TBC1D16: variants seen among roughly 807,000 people sequenced by gnomAD.
TBC1D16 encodes the protein CTD-2529O21.1.
In TBC1D16, 58 loss-of-function variants were observed where a neutral mutation model predicts 74.7. The observed-to-expected ratio is 0.78, with a 90% CI of 0.63 to 0.97. The LOEUF (loss-of-function observed/expected upper bound fraction) is 0.97. Among genes scored for constraint, TBC1D16 ranks in the 50% least tolerant of loss-of-function variants. The pLI is 0.00. For missense variants in TBC1D16, 1,014 were observed against 1,079.5 expected, an observed-to-expected ratio of 0.94 and a Z score of 0.85; for synonymous variants, 493 against 474.7, an observed-to-expected ratio of 1.04 and a Z score of -0.50.
At chr17:79,991,643 G>A (rs980964622) in intron 3 of TBC1D16, among the ~76,000 whole-genome samples, 2 of 151,292 alleles carry the variant, frequency 1.3e-5, no homozygotes, top group Non-Finnish European at 2.9e-5. Context: ...GGAGGCAAGA[G>A]GGAGGTCAGG....
chr17:79,971,378 C>T lies in TBC1D16; in HGVS notation c.780-18560G>A, dbSNP rs2034096481. Among the ~76,000 whole-genome samples, 2 of 152,238 alleles carry T rather than the reference C, an allele frequency of 1.3e-5. No homozygotes were observed. The highest frequency in any genetic ancestry group is 1.9e-4 in the East Asian group (1 of 5,178). On this transcript the variant is annotated intron_variant, in intron 3 of 11. Coordinates refer to ENST00000310924, the MANE Select transcript of TBC1D16 (RefSeq NM_019020.4). This position sits in a 1 kb window ranked among gnomAD's most constrained non-coding sequence, Gnocchi z 4.6. Reference sequence around the variant, plus strand: ...CATTTGCAAGTGGTAAATAAATTCACGTTGTGGTTAAAAATTTTAAAAAGA... The same window carrying T: ...CATTTGCAAGTGGTAAATAAATTCATGTTGTGGTTAAAAATTTTAAAAAGA...
At position 79,985,106 on chromosome 17, in the gene TBC1D16, C is replaced by G. The variant is rs1461522360; in HGVS notation, c.779+25054G>C. ...TCGGGCCGCGCCCCCTCTGAAGGCTCCAGGCAAGAGTCTTTCCTGCCTCTT... is the reference window on the plus strand; with the variant it reads ...TCGGGCCGCGCCCCCTCTGAAGGCTGCAGGCAAGAGTCTTTCCTGCCTCTT... On this transcript the variant is annotated intron_variant, in intron 3 of 11. Transcript: ENST00000310924. This position sits in a 1 kb window ranked among gnomAD's most constrained non-coding sequence, Gnocchi z 4.9. Among the ~76,000 whole-genome samples the G allele has an allele frequency of 1.3e-5, 2 of 152,164 alleles. No individual in the cohort carries two copies. The highest frequency in any genetic ancestry group is 2.9e-5 in the Non-Finnish European group (2 of 68,026).
At chr17:80,021,123 A>C (rs935566461) in intron 1 of TBC1D16, among the ~76,000 whole-genome samples, 4 of 149,896 alleles carry the variant, frequency 2.7e-5, no homozygotes, top group Admixed American at 2.6e-4. Flanking sequence ...ATGGTGGTGC[A>C]TGCCTGTAAT....
rs2034163766 is a variant in TBC1D16 at position 79,972,695 on chromosome 17, G to A, written c.780-19877C>T. On this transcript the variant is annotated intron_variant, in intron 3 of 11. Transcript: ENST00000310924. The stretch of plus-strand genomic sequence containing the variant: ...GTTGTTTAACGGGAACAGAGTTTCG[G>A]TTGGGAAGATGAAAAAGTTCTGGAG... Among the ~76,000 whole-genome samples, 5 of 152,170 alleles carry A rather than the reference G, an allele frequency of 3.3e-5. No individual in the cohort carries two copies. In the South Asian group the frequency reaches 1.0e-3, roughly 32 times the overall value.
chr17:79,969,921 A>T (rs772306246), intron 3 of TBC1D16, among the ~76,000 whole-genome samples: 15 of 152,184 alleles, frequency 9.9e-5, no homozygotes, highest in Admixed American at 3.9e-4. Context: ...CAGCCTAGGC[A>T]ACAGAACGAG....
At position 79,987,107 on chromosome 17, in the gene TBC1D16, A is replaced by C. The variant is rs1292679117; in HGVS notation, c.779+23053T>G. ...GCCCAGTGTCGCTGCCCAAGGCAGAACTGGCTGCCCACCAGGGGCAGGAGA... is the reference window on the plus strand; with the variant it reads ...GCCCAGTGTCGCTGCCCAAGGCAGACCTGGCTGCCCACCAGGGGCAGGAGA... On this transcript the variant is annotated intron_variant, in intron 3 of 11. Coordinates refer to ENST00000310924, the MANE Select transcript of TBC1D16 (RefSeq NM_019020.4). This position sits in a 1 kb window ranked among gnomAD's most constrained non-coding sequence, Gnocchi z 5.2. 6.6e-6 allele frequency among the ~76,000 whole-genome samples: 1 copy of C among 152,132 alleles called. No individual in the cohort carries two copies. The highest frequency in any genetic ancestry group is 1.5e-5 in the Non-Finnish European group (1 of 68,026).
chr17:79,938,676 T>G lies in TBC1D16; in HGVS notation c.*2183A>C, dbSNP rs1478513176. 1.3e-5 allele frequency: 2 copies of G among 152,290 alleles called. No individual in the cohort carries two copies. The highest frequency in any genetic ancestry group is 4.8e-5 in the African/African-American group (2 of 41,456). The allele number at this position is 152,290 out of a possible 1,614,324, so 9.4% of individuals were successfully genotyped here. A position where few individuals can be genotyped will look rare whatever the true frequency, so the allele number is the denominator to read the frequency against. On this transcript the variant is annotated 3_prime_UTR_variant, in exon 12 of 12. Coordinates refer to ENST00000310924, the MANE Select transcript of TBC1D16 (RefSeq NM_019020.4). ...TGTTTAGCCCTCCAAATTCTCAGCC[T>G]ACTGCCACCCGACTGTGCAGAGCGG... is the stretch of plus-strand genomic sequence containing the variant.
At chr17:79,966,689 T>C (rs1173010924) in intron 3 of TBC1D16, among the ~76,000 whole-genome samples, 1 of 152,244 alleles carries the variant, frequency 6.6e-6, no homozygotes, top group African/African-American at 2.4e-5. Context: ...CAGTCTTTTT[T>C]TTCATGTGTT....
rs574388213 is a variant in TBC1D16, at chr17:79,942,363, A to T, written c.1909-157T>A. On this transcript the variant is annotated intron_variant, in intron 10 of 11. Coordinates refer to ENST00000310924, the MANE Select transcript of TBC1D16 (RefSeq NM_019020.4). ...GGCCGTGTGGCCCTGGGCAAGCTGC[A>T]CCGCCTCTTCGGCCCTAAGTTTCCC... 8.5e-5 allele frequency among the ~76,000 whole-genome samples: 13 copies of T among 152,218 alleles called. No homozygotes were observed. In the South Asian group the frequency reaches 2.7e-3, roughly 32 times the overall value.
At position 80,009,079 on chromosome 17, in the gene TBC1D16, C is replaced by T. The variant is rs1262092057; in HGVS notation, c.779+1081G>A. 3.3e-5 allele frequency among the ~76,000 whole-genome samples: 5 copies of T among 152,226 alleles called. No homozygotes were observed. Among genetic ancestry groups the T allele is most frequent in the South Asian group, 4.1e-4 (2 of 4,834 alleles). On this transcript the variant is annotated intron_variant, in intron 3 of 11. Coordinates refer to ENST00000310924, the MANE Select transcript of TBC1D16 (RefSeq NM_019020.4). This position sits in a 1 kb window ranked among gnomAD's most constrained non-coding sequence, Gnocchi z 5.4. ...GGGGATAATAGGAGGGCCCACCTCA[C>T]GGGGCGTGGGGCTGTGGAAAGCACA...
At chr17:79,953,635 A>G (rs1168473326) in intron 3 of TBC1D16, among the ~76,000 whole-genome samples, 1 of 152,244 alleles carries the variant, frequency 6.6e-6, no homozygotes, top group Non-Finnish European at 1.5e-5. Flanking sequence ...TCTGCAGTTC[A>G]GCAGTACAAC....
In TBC1D16 at chr17:79,949,791, G is replaced by T; in HGVS notation, c.1332C>A (p.His444Gln). The T allele has an allele frequency of 6.2e-7, 1 of 1,613,776 alleles. No individual in the cohort carries two copies. The highest frequency in any genetic ancestry group is 8.5e-7 in the Non-Finnish European group (1 of 1,179,966). Residue 444 changes from histidine to glutamine, a missense_variant, in exon 7 of 12, where the codon CAC becomes CAA. Coordinates refer to ENST00000310924, the MANE Select transcript of TBC1D16 (RefSeq NM_019020.4). ...VWPFLLRYYS[H>Q]ESTSEEREAL... ...CCTCCCGCTCCTCCGACGTGGACTC[G>T]TGGCTGTAATAGCGCAGCAGGAAGG...
At chr17:80,023,691 G>T (rs1006476430) in intron 1 of TBC1D16, among the ~76,000 whole-genome samples, 4 of 149,406 alleles carry the variant, frequency 2.7e-5, no homozygotes, top group Admixed American at 2.0e-4. Context: ...TGGCTGGGGT[G>T]GCCCTGCTCC....
rs1235283487 is a variant in TBC1D16 at position 79,956,655 on chromosome 17, G to A, written c.780-3837C>T. The stretch of plus-strand genomic sequence containing the variant: ...CCAGCTCTCAGAAAAAGCTTGAAGG[G>A]GAGGAAGAAACCTTCAAACATATTG... On this transcript the variant is annotated intron_variant, in intron 3 of 11. Transcript: ENST00000310924. The surrounding 1 kb of genome is among the most constrained non-coding windows in gnomAD (Gnocchi z 4.0). Among the ~76,000 whole-genome samples, 1 of 152,148 alleles carries A rather than the reference G, an allele frequency of 6.6e-6. No homozygotes were observed. The highest frequency in any genetic ancestry group is 1.5e-5 in the Non-Finnish European group (1 of 68,014).
At position 79,940,490 on chromosome 17, in the gene TBC1D16, G is replaced by C. The variant is rs536420233; in HGVS notation, c.*369C>G. On this transcript the variant is annotated 3_prime_UTR_variant, in exon 12 of 12. Coordinates refer to ENST00000310924, the MANE Select transcript of TBC1D16 (RefSeq NM_019020.4). This position sits in a 1 kb window ranked among gnomAD's most constrained non-coding sequence, Gnocchi z 5.4. ...AGTGAGGCCTTCCTCTCCTGTCTCTGCTTTCCTCATTGCCTGGCGACGCTG... is the reference window on the plus strand; with the variant it reads ...AGTGAGGCCTTCCTCTCCTGTCTCTCCTTTCCTCATTGCCTGGCGACGCTG... 5.5e-6 allele frequency: 1 copy of C among 181,900 alleles called. No homozygotes were observed. The highest frequency in any genetic ancestry group is 1.4e-4 in the East Asian group (1 of 6,970). The allele number at this position is 181,900 out of a possible 1,614,324, so 11.3% of individuals were successfully genotyped here.
At position 79,950,368 on chromosome 17, in the gene TBC1D16, G is replaced by A; in HGVS notation, c.1257+43C>T. On this transcript the variant is annotated intron_variant, in intron 6 of 11. Coordinates refer to ENST00000310924, the MANE Select transcript of TBC1D16 (RefSeq NM_019020.4). The surrounding 1 kb of genome is among the most constrained non-coding windows in gnomAD (Gnocchi z 4.6). ...TCCCTCTCGCTCGTTCCCGGTTCCCGGCCGGCTCTCCGCGGGGCCAGCTGG... is the reference window on the plus strand; with the variant it reads ...TCCCTCTCGCTCGTTCCCGGTTCCCAGCCGGCTCTCCGCGGGGCCAGCTGG... 1.3e-6 allele frequency: 2 copies of A among 1,544,810 alleles called. No homozygotes were observed. Among genetic ancestry groups the A allele is most frequent in the Non-Finnish European group, 1.7e-6 (2 of 1,147,906 alleles).
In TBC1D16 at chr17:80,013,543, G is replaced by A; in HGVS notation, c.5C>T (p.Ser2Phe). 6.6e-7 allele frequency: 1 copy of A among 1,509,546 alleles called. No homozygotes were observed. The highest frequency in any genetic ancestry group is 8.9e-7 in the Non-Finnish European group (1 of 1,127,768). 93.5% of individuals were successfully genotyped at this position (1,509,546 alleles called of 1,614,324 possible). A position where few individuals can be genotyped will look rare whatever the true frequency, so the allele number is the denominator to read the frequency against. MSLGRLLRRASS... is the reference protein window; with the variant it reads MFLGRLLRRASS... ...GGCCCTGCGAAGGAGGCGGCCCAGA[G>A]ACATTGCCGGGCAAGTGTTTCCATC... The change falls in exon 2 of 12, where the codon TCT (serine) becomes TTT (phenylalanine). Residue 2 changes from serine (S) to phenylalanine (F), a missense_variant. Ser to Phe is a radical substitution (Grantham distance 155). Transcript: ENST00000310924.
intron 3 of TBC1D16, among the ~76,000 whole-genome samples, chr17:79,970,841 AGTGC>A (rs2034062470): frequency 6.1e-5 from 9 of 147,950 alleles, no homozygotes; most frequent in Admixed American, 6.0e-4. Context: ...TACGAGTCCC[AGTGC>A]AAAAACAGCG....
Position 79,950,367 on chromosome 17 carries a change from C to A in TBC1D16, c.1257+44G>T. The A allele has an allele frequency of 1.3e-6, 2 of 1,542,378 alleles. No homozygotes were observed. The highest frequency in any genetic ancestry group is 2.3e-5 in the East Asian group (1 of 43,622). Reference sequence around the variant, plus strand: ...TTCCCTCTCGCTCGTTCCCGGTTCCCGGCCGGCTCTCCGCGGGGCCAGCTG... The same window carrying A: ...TTCCCTCTCGCTCGTTCCCGGTTCCAGGCCGGCTCTCCGCGGGGCCAGCTG... On this transcript the variant is annotated intron_variant, in intron 6 of 11. Transcript: ENST00000310924. The surrounding 1 kb of genome is among the most constrained non-coding windows in gnomAD (Gnocchi z 4.6).
Sources: allele counts gnomAD v4.1 joint callset (sites outside exome capture counted in the v4.1 genomes callset), GRCh38; gene constraint gnomAD v4.1.1; non-coding constraint Gnocchi (gnomAD v3.1); transcripts MANE v1.5; gene names NCBI Gene and HGNC (gene_info 2026-07-23, HGNC 2026-07-21).